Variants in DOCK10 observed in about 807,000 individuals in gnomAD.
DOCK10 encodes the protein dedicator of cytokinesis protein 10.
A neutral mutation model predicts 280.1 loss-of-function variants in DOCK10; 145 were observed. That is an observed-to-expected ratio of 0.52 (90% confidence interval 0.45 to 0.59). DOCK10 has a LOEUF of 0.59. Among genes scored for constraint, DOCK10 ranks in the 20% least tolerant of loss-of-function variants. DOCK10 has a pLI of 0.00. For synonymous variants in DOCK10, 915 were observed against 942.2 expected (o/e 0.97, Z 0.53); for missense variants, 2,368 against 2,651.7 (o/e 0.89, Z 2.35).
chr2:224,940,891 A>G (rs780196206), intron 1 of DOCK10, among the ~76,000 whole-genome samples: 1 of 152,208 alleles, frequency 6.6e-6, no homozygotes, highest in African/African-American at 2.4e-5. Context: ...TCTGTTGTAT[A>G]TTATAGGGGT....
At chr2:224,939,433 G>A (rs1238735554) in intron 1 of DOCK10, among the ~76,000 whole-genome samples, 1 of 152,080 alleles carries the variant, frequency 6.6e-6, no homozygotes, top group Non-Finnish European at 1.5e-5. Context: ...ACACATTTTT[G>A]TATAGCAAAT....
chr2:224,845,306 G>T lies in DOCK10; in HGVS notation c.2378C>A (p.Pro793His). The change falls in exon 21 of 56, where the codon CCT becomes CAT. Residue 793 changes from proline (P) to histidine (H), a missense_variant. Transcript: ENST00000258390. The stretch of plus-strand genomic sequence containing the variant: ...AGCTATCTGATCGTGTTTCATCAGA[G>T]GAAGCCAAGCATATCCAACTGTGCA... ...LETSVGYAWL[P>H]LMKHDQIASQ... The T allele has an allele frequency of 6.3e-7, 1 of 1,591,372 alleles. No homozygotes were observed. The highest frequency in any genetic ancestry group is 8.6e-7 in the Non-Finnish European group (1 of 1,167,712).
At chr2:224,872,726 G>T (rs1283171548) in intron 11 of DOCK10, among the ~76,000 whole-genome samples, 1 of 152,084 alleles carries the variant, frequency 6.6e-6, no homozygotes, top group Non-Finnish European at 1.5e-5. Flanking sequence ...AACTTAATGG[G>T]GTTTCTGCCT....
Position 225,042,350 on chromosome 2 carries a change from A to T in DOCK10, c.25T>A (p.Phe9Ile). The part of the protein sequence containing the change: MAGERTRR[F>I]TRSLLRPGQA... ...CCAGGTCTCAACAGGCTCCGGGTGA[A>T]CCTGCGGGTCCGCTCACCGGCCATC... Residue 9 changes from phenylalanine to isoleucine, a missense_variant, in exon 1 of 56, where the codon TTC (phenylalanine) becomes ATC (isoleucine). Around this residue, in one of 2 missense-constraint regions of DOCK10, gnomAD observed 1,209 missense variants for 1,250.9 expected, o/e 0.97. Transcript: ENST00000258390. The surrounding 1 kb of genome is among the most constrained non-coding windows in gnomAD (Gnocchi z 5.1). 1 of 1,293,596 alleles carries T rather than the reference A, an allele frequency of 7.7e-7. No individual in the cohort carries two copies. The allele number at this position is 1,293,596 out of a possible 1,614,324, so 80.1% of individuals were successfully genotyped here.
chr2:224,879,191 T>C (rs1698824476), intron 7 of DOCK10, among the ~76,000 whole-genome samples: 1 of 152,140 alleles, frequency 6.6e-6, no homozygotes, highest in African/African-American at 2.4e-5. Context: ...GGCCTCAAAC[T>C]TCAGTGTGCA....
intron 1 of DOCK10, among the ~76,000 whole-genome samples, chr2:224,997,861 G>C (rs1437342021): frequency 6.6e-6 from 1 of 152,208 alleles, no homozygotes; most frequent in Admixed American, 6.5e-5. Flanking sequence ...AGACCTGAAG[G>C]CAGACTCGCA....
chr2:224,908,724 T>C (rs1401451408), intron 3 of DOCK10, among the ~76,000 whole-genome samples: 3 of 152,134 alleles, frequency 2.0e-5, no homozygotes, highest in Admixed American at 2.0e-4. Context: ...CTTGAACTCC[T>C]GAGATCAAGT....
chr2:224,784,737 C>G, intron 50 of DOCK10: 1 of 1,289,808 alleles, frequency 7.8e-7, no homozygotes, highest in Non-Finnish European at 1.0e-6. Context: ...GAGAACTTAC[C>G]ACAGCCTGGA....
intron 1 of DOCK10, among the ~76,000 whole-genome samples, chr2:224,937,923 G>A (rs972168916): frequency 4.6e-5 from 7 of 152,080 alleles, no homozygotes; most frequent in Admixed American, 1.3e-4. Context: ...TGAGCTTGTC[G>A]GCACTGGGGA....
At chr2:225,023,573 T>C (rs10196140) in intron 1 of DOCK10, among the ~76,000 whole-genome samples, 42,373 of 152,054 alleles carry the variant, frequency 0.28, 6,511 homozygotes, top group African/African-American at 0.4. Context: ...GTCAAGGATG[T>C]GGTAGAAAGG....
chr2:225,000,719 C>T (rs931850363), intron 1 of DOCK10, among the ~76,000 whole-genome samples: 7 of 152,218 alleles, frequency 4.6e-5, no homozygotes, highest in Non-Finnish European at 1.0e-4. Flanking sequence ...GTGGCTCATG[C>T]CTGTAATCCC....
chr2:224,898,796 C>G (rs572093652), intron 3 of DOCK10, among the ~76,000 whole-genome samples: 1 of 152,238 alleles, frequency 6.6e-6, no homozygotes, highest in Non-Finnish European at 1.5e-5. Context: ...AGGATGGTCT[C>G]GATCTCCTGA....
At position 224,855,711 on chromosome 2, in the gene DOCK10, G is replaced by A. The variant is rs548447162; in HGVS notation, c.1809-669C>T. Among the ~76,000 whole-genome samples the A allele has an allele frequency of 3.3e-5, 5 of 152,264 alleles. 1 individual carries two copies. In the South Asian group the frequency reaches 1.0e-3, roughly 32 times the overall value. ...AAAGTGGAAGCTGCTGGTAACAGTC[G>A]CAAGTGTTATCCTTCTCAGGAAATC... is the stretch of plus-strand genomic sequence containing the variant. On this transcript the variant is annotated intron_variant, in intron 15 of 55. Transcript: ENST00000258390.
intron 1 of DOCK10, among the ~76,000 whole-genome samples, chr2:225,038,919 T>A (rs1690337300): frequency 6.6e-6 from 1 of 152,178 alleles, no homozygotes; most frequent in South Asian, 2.1e-4. Flanking sequence ...AAAACTCCAT[T>A]TCTCTCAAAG....
intron 22 of DOCK10, 77 bp downstream of exon 22, chr2:224,844,676 C>G: frequency 1.1e-6 from 1 of 929,672 alleles, no homozygotes. Context: ...TGATTAGTCT[C>G]ATCCTGTAAA....
intron 1 of DOCK10, among the ~76,000 whole-genome samples, chr2:224,931,911 G>A (rs928711403): frequency 2.6e-5 from 4 of 152,248 alleles, no homozygotes; most frequent in Admixed American, 2.0e-4. Flanking sequence ...TGTTCTTATT[G>A]AGTCCCCAAG....
chr2:224,920,326 G>A (rs1701633352), intron 2 of DOCK10, among the ~76,000 whole-genome samples: 1 of 150,322 alleles, frequency 6.7e-6, no homozygotes, highest in African/African-American at 2.4e-5. Flanking sequence ...TGCCTGTCTC[G>A]GCTTCTCAAA....
intron 28 of DOCK10, among the ~76,000 whole-genome samples, chr2:224,822,487 C>A (rs1406287490): frequency 6.6e-6 from 1 of 152,112 alleles, no homozygotes; most frequent in Non-Finnish European, 1.5e-5. Context: ...GTCATCCCAG[C>A]ACTTAGGGAG....
chr2:224,804,208 AT>A lies in DOCK10; in HGVS notation c.4171del (p.Ile1391LeufsTer53). 6.2e-7 allele frequency: 1 copy of A among 1,605,490 alleles called. No homozygotes were observed. The highest frequency in any genetic ancestry group is 8.5e-7 in the Non-Finnish European group (1 of 1,174,108). ...YLGKRNIIRKIAAAFKFVQST... is the reference protein window; with the variant it reads ...YLGKRNIIRKXAAAFKFVQST... ...CTGCACAAATTTAAATGCAGCAGCA[AT>A]TTTTCTGCAATGAAAATGGAAGTTT... On this transcript the variant is annotated frameshift_variant, in exon 39 of 56. Coordinates refer to ENST00000258390, the MANE Select transcript of DOCK10 (RefSeq NM_014689.3). LOFTEE classifies it high-confidence loss of function.
Sources: allele counts gnomAD v4.1 joint callset (sites outside exome capture counted in the v4.1 genomes callset), GRCh38; gene constraint gnomAD v4.1.1; regional missense constraint gnomAD v4.1.1; non-coding constraint Gnocchi (gnomAD v3.1); transcripts MANE v1.5; gene names NCBI Gene and HGNC (gene_info 2026-07-23, HGNC 2026-07-21).